RTF2: variants seen among roughly 807,000 people sequenced by gnomAD.
The protein encoded by RTF2 is replication termination factor 2, also known as UPF0549 protein C20orf43.
Under a neutral mutation model 38.0 loss-of-function variants are expected in RTF2, and 18 were observed. That is an observed-to-expected ratio of 0.47 (90% CI 0.33 to 0.70). RTF2 has a LOEUF of 0.70. RTF2 is among the 30% of genes least tolerant of loss of function. The pLI, the probability that RTF2 is intolerant of heterozygous loss-of-function variation, is 0.02. For synonymous variants in RTF2, 126 were observed against 137.1 expected (o/e 0.92, Z 0.57); for missense variants, 311 against 379.6 (o/e 0.82, Z 1.50).
intron 5 of RTF2, among the ~76,000 whole-genome samples, chr20:56,508,398 G>A (rs1045096337): frequency 1.3e-5 from 2 of 152,128 alleles, no homozygotes; most frequent in South Asian, 2.1e-4. Context: ...CAGTAGGTCT[G>A]TTAAAATTAC....
chr20:56,518,456 G>A lies in RTF2; in HGVS notation c.*191G>A. ...TGTCGGTTCCAGGGGGGACATGGGA[G>A]GGGCTGCACAGTGGCCCGAGGTCAT... On this transcript the variant is annotated 3_prime_UTR_variant, in exon 9 of 9. Coordinates refer to ENST00000357348, the MANE Select transcript of RTF2 (RefSeq NM_016407.5). 3.7e-6 allele frequency: 2 copies of A among 537,476 alleles called. No individual in the cohort carries two copies. The highest frequency in any genetic ancestry group is 3.1e-5 in the South Asian group (1 of 31,894). 33.3% of individuals were successfully genotyped at this position (537,476 alleles called of 1,614,324 possible).
At chr20:56,490,057 C>G (rs1030278256) in intron 5 of RTF2, among the ~76,000 whole-genome samples, 2 of 152,192 alleles carry the variant, frequency 1.3e-5, no homozygotes, top group Non-Finnish European at 2.9e-5. Flanking sequence ...TTTGTTTAAA[C>G]AAAGGTGTTA....
intron 6 of RTF2, among the ~76,000 whole-genome samples, chr20:56,515,370 G>A (rs576122503): frequency 9.2e-5 from 14 of 152,094 alleles, no homozygotes; most frequent in Admixed American, 3.3e-4. Context: ...TCAGGAGTTC[G>A]AGACCAGCCT....
chr20:56,491,772 C>T (rs370178650), intron 5 of RTF2: 46 of 1,551,112 alleles, frequency 3.0e-5, no homozygotes, highest in Non-Finnish European at 3.6e-5. Context: ...CAGATGTCTT[C>T]GACGTAGCGG....
At chr20:56,503,373 C>T (rs935908065) in intron 5 of RTF2, among the ~76,000 whole-genome samples, 1 of 152,190 alleles carries the variant, frequency 6.6e-6, no homozygotes, top group African/African-American at 2.4e-5. Context: ...AGGATATCCA[C>T]TCAAAACAAC....
intron 4 of RTF2, among the ~76,000 whole-genome samples, chr20:56,481,898 C>T (rs1205077193): frequency 1.3e-5 from 2 of 152,162 alleles, no homozygotes; most frequent in East Asian, 1.9e-4. Context: ...TGTAACCTTT[C>T]GTGTTTGGCT....
chr20:56,505,291 A>C (rs555728363), intron 5 of RTF2, among the ~76,000 whole-genome samples: 20 of 152,132 alleles, frequency 1.3e-4, no homozygotes, highest in African/African-American at 4.8e-4. Context: ...GTTTGAGACC[A>C]GCCTGGAAAC....
intron 5 of RTF2, among the ~76,000 whole-genome samples, chr20:56,489,998 A>G (rs1450125172): frequency 6.6e-6 from 1 of 152,080 alleles, no homozygotes; most frequent in Non-Finnish European, 1.5e-5. Context: ...AAGTCTTAAT[A>G]TTTTCCATAT....
At chr20:56,486,638 G>A (rs1982807085) in intron 5 of RTF2, among the ~76,000 whole-genome samples, 1 of 152,090 alleles carries the variant, frequency 6.6e-6, no homozygotes, top group East Asian at 1.9e-4. Flanking sequence ...GACAGAGTGA[G>A]ACTCCATCTC....
At position 56,497,596 on chromosome 20, in the gene RTF2, G is replaced by A. The variant is rs936133265; in HGVS notation, c.477+13407G>A. ...ACGACAAGTCCAGACTTTGTGGCTC[G>A]AAGCTGGCTCATATCTTGAGCTCCA... On this transcript the variant is annotated intron_variant, in intron 5 of 8. Coordinates refer to ENST00000357348, the MANE Select transcript of RTF2 (RefSeq NM_016407.5). 43 of 1,323,160 alleles carry A rather than the reference G, an allele frequency of 3.2e-5. No homozygotes were observed. The Admixed American group carries it at 7.3e-4, about 22-fold the overall frequency. 82.0% of individuals were successfully genotyped at this position (1,323,160 alleles called of 1,614,324 possible).
At chr20:56,491,492 G>T in intron 5 of RTF2, 1 of 972,290 alleles carries the variant, frequency 1.0e-6, no homozygotes, top group Non-Finnish European at 1.6e-6. Context: ...CCACTTCTTT[G>T]GTTCAATGTT....
intron 1 of RTF2, among the ~76,000 whole-genome samples, chr20:56,470,438 T>C (rs932167052): frequency 2.0e-5 from 3 of 152,212 alleles, no homozygotes; most frequent in Non-Finnish European, 4.4e-5. Context: ...ATATATACAT[T>C]GTTGTAGGCC....
At chr20:56,475,291 G>T (rs555511638) in intron 3 of RTF2, among the ~76,000 whole-genome samples, 10 of 152,296 alleles carry the variant, frequency 6.6e-5, no homozygotes, top group African/African-American at 2.4e-4. Flanking sequence ...TGAAGAATTT[G>T]AGAACCATCA....
chr20:56,517,727 G>A (rs1985140281), intron 8 of RTF2, among the ~76,000 whole-genome samples: 1 of 152,164 alleles, frequency 6.6e-6, no homozygotes, highest in Non-Finnish European at 1.5e-5. Flanking sequence ...GTGTGATCTT[G>A]TGCTCTAAGT....
chr20:56,509,973 G>A (rs1438522178), intron 5 of RTF2, among the ~76,000 whole-genome samples: 1 of 151,058 alleles, frequency 6.6e-6, no homozygotes, highest in East Asian at 2.0e-4. Context: ...AAAACATTAT[G>A]CTAAAATCCA....
chr20:56,478,147 A>G (rs2146320705), intron 4 of RTF2, among the ~76,000 whole-genome samples: 1 of 152,294 alleles, frequency 6.6e-6, no homozygotes, highest in South Asian at 2.1e-4. Flanking sequence ...TAAAACAAAT[A>G]TTACTGGAAA....
chr20:56,472,089 C>T (rs930879805), intron 1 of RTF2, among the ~76,000 whole-genome samples: 14 of 151,222 alleles, frequency 9.3e-5, no homozygotes, highest in Non-Finnish European at 1.9e-4. Flanking sequence ...TGGGAATTGG[C>T]GCTTGCTTGT....
At chr20:56,486,431 C>A (rs936264408) in intron 5 of RTF2, among the ~76,000 whole-genome samples, 1 of 152,078 alleles carries the variant, frequency 6.6e-6, no homozygotes. Flanking sequence ...GGTGGATCAC[C>A]TGAGGTCAGG....
At chr20:56,485,724 A>G (rs1393953905) in intron 5 of RTF2, among the ~76,000 whole-genome samples, 1 of 152,226 alleles carries the variant, frequency 6.6e-6, no homozygotes, top group East Asian at 1.9e-4. Context: ...GAATTGGTTG[A>G]TATTCAGCCA....
Sources: gnomAD v4.1 joint callset for allele counts (sites outside exome capture counted in the v4.1 genomes callset) on GRCh38, gnomAD v4.1.1 for gene constraint, MANE v1.5 for transcripts, NCBI Gene and HGNC (gene_info 2026-07-23, HGNC 2026-07-21) for gene names.